Variants in FBLN1 observed in about 807,000 individuals in gnomAD.
FBLN1 encodes fibulin 1, also known as fibulin-1.
In FBLN1, 34 loss-of-function variants were observed where a neutral mutation model predicts 89.7. The ratio of observed to expected loss-of-function variants is 0.38; its 90% CI spans 0.29 to 0.50. FBLN1 has a LOEUF of 0.50. FBLN1 is among the 20% of genes least tolerant of loss of function. The pLI is 0.92. For synonymous variants in FBLN1, 393 were observed against 391.3 expected (o/e 1.00, Z -0.05); for missense variants, 777 against 988.1 (o/e 0.79, Z 2.86).
intron 14 of FBLN1, among the ~76,000 whole-genome samples, chr22:45,569,044 C>T (rs2088928472): frequency 6.6e-6 from 1 of 152,202 alleles, no homozygotes. Flanking sequence ...CACCCTACTC[C>T]AGTGTGACCT....
At chr22:45,540,056 G>T (rs1325285858) in intron 8 of FBLN1, among the ~76,000 whole-genome samples, 3 of 152,230 alleles carry the variant, frequency 2.0e-5, no homozygotes, top group Non-Finnish European at 4.4e-5. Context: ...ATGCATAACA[G>T]AGTGGGCCTG....
At position 45,541,271 on chromosome 22, in the gene FBLN1, G is replaced by A; in HGVS notation, c.965G>A (p.Gly322Glu). The A allele has an allele frequency of 2.5e-6, 4 of 1,614,214 alleles. No homozygotes were observed. The highest frequency in any genetic ancestry group is 3.4e-6 in the Non-Finnish European group (4 of 1,180,018). ...CLSISAPCPI[G>E]HTCINTEGSY... Reference sequence around the variant, plus strand: ...AGTATCAGTGCCCCGTGCCCTATCGGGCATACATGCATCAACACAGAGGGC... The same window carrying A: ...AGTATCAGTGCCCCGTGCCCTATCGAGCATACATGCATCAACACAGAGGGC... The change falls in exon 9 of 17, where the codon GGG becomes GAG. Residue 322 changes from glycine to glutamate, a missense_variant. Coordinates refer to ENST00000327858, the MANE Select transcript of FBLN1 (RefSeq NM_006486.3).
In FBLN1 at chr22:45,536,899, G is replaced by A. The variant is rs866334857; in HGVS notation, c.922+1562G>A. Among the ~76,000 whole-genome samples, 1 of 152,230 alleles carries A rather than the reference G, an allele frequency of 6.6e-6. No individual in the cohort carries two copies. The highest frequency in any genetic ancestry group is 6.5e-5 in the Admixed American group (1 of 15,292). ...ACGCTAGAGGAGCTGTGTGGGGTGCGGCCGGGGAGCTGGCCGGCCTGGGTT... is the reference window on the plus strand; with the variant it reads ...ACGCTAGAGGAGCTGTGTGGGGTGCAGCCGGGGAGCTGGCCGGCCTGGGTT... On this transcript the variant is annotated intron_variant, in intron 8 of 16. Coordinates refer to ENST00000327858, the MANE Select transcript of FBLN1 (RefSeq NM_006486.3). The surrounding 1 kb of genome is among the most constrained non-coding windows in gnomAD (Gnocchi z 5.1).
At chr22:45,523,468 T>C (rs559809399) in intron 2 of FBLN1, among the ~76,000 whole-genome samples, 84 of 152,326 alleles carry the variant, frequency 5.5e-4, no homozygotes, top group Admixed American at 3.9e-3. Flanking sequence ...TTCGGGAGGC[T>C]GAGGCGGGCA....
chr22:45,528,124 G>GT, intron 4 of FBLN1, 115 bp downstream of exon 4: 1 of 1,271,322 alleles, frequency 7.9e-7, no homozygotes, highest in Non-Finnish European at 1.1e-6. Flanking sequence ...GTGATCGTGG[G>GT]GCTGGCAAGT....
At position 45,590,615 on chromosome 22, in the gene FBLN1, G is replaced by C. The variant is rs559606432; in HGVS notation, c.1973-9692G>C. 1.3e-5 allele frequency among the ~76,000 whole-genome samples: 2 copies of C among 152,214 alleles called. No individual in the cohort carries two copies. Among genetic ancestry groups the C allele is most frequent in the South Asian group, 2.1e-4 (1 of 4,836 alleles). On this transcript the variant is annotated intron_variant, in intron 16 of 16. Transcript: ENST00000327858. This position sits in a 1 kb window ranked among gnomAD's most constrained non-coding sequence, Gnocchi z 4.1. ...AGGGGTGAAAAGGAAGGTGGTACAC[G>C]TGTTCAGGTAGATGCGACGAGGCCG...
chr22:45,534,582 TC>T (rs2088459210), intron 7 of FBLN1, among the ~76,000 whole-genome samples: 2 of 152,160 alleles, frequency 1.3e-5, no homozygotes, highest in African/African-American at 4.8e-5. Context: ...ACTCACTGTA[TC>T]ATGAGAGTGA....
chr22:45,583,349 C>T lies in FBLN1; in HGVS notation c.1972+6241C>T, dbSNP rs539298916. Among the ~76,000 whole-genome samples, 1 of 152,026 alleles carries T rather than the reference C, an allele frequency of 6.6e-6. No individual in the cohort carries two copies. The highest frequency in any genetic ancestry group is 2.4e-5 in the African/African-American group (1 of 41,510). On this transcript the variant is annotated intron_variant, in intron 16 of 16. Coordinates refer to ENST00000327858, the MANE Select transcript of FBLN1 (RefSeq NM_006486.3). This position sits in a 1 kb window ranked among gnomAD's most constrained non-coding sequence, Gnocchi z 4.5. ...CAAGCAGCATGGCAGCGATGAAGTCCACATGATCGAAGGGTGGATGCTTAC... is the reference window on the plus strand; with the variant it reads ...CAAGCAGCATGGCAGCGATGAAGTCTACATGATCGAAGGGTGGATGCTTAC...
At position 45,576,137 on chromosome 22, in the gene FBLN1, A is replaced by T. The variant is rs4416; in HGVS notation, c.1841-840A>T. Among the ~76,000 whole-genome samples the T allele has an allele frequency of 6.6e-6, 1 of 152,076 alleles. No individual in the cohort carries two copies. Among genetic ancestry groups the T allele is most frequent in the African/African-American group, 2.4e-5 (1 of 41,386 alleles). Reference sequence around the variant, plus strand: ...GGTTTGCTCCTCCCGAAAAGGAATAACGCTGAATCGTCACAGGGTGGCACA... The same window carrying T: ...GGTTTGCTCCTCCCGAAAAGGAATATCGCTGAATCGTCACAGGGTGGCACA... On this transcript the variant is annotated intron_variant, in intron 15 of 16. Transcript: ENST00000327858. This position sits in a 1 kb window ranked among gnomAD's most constrained non-coding sequence, Gnocchi z 5.2.
At position 45,530,714 on chromosome 22, in the gene FBLN1, G is replaced by A. The variant is rs2088393671; in HGVS notation, c.485-551G>A. 1.3e-5 allele frequency among the ~76,000 whole-genome samples: 2 copies of A among 152,128 alleles called. No homozygotes were observed. The highest frequency in any genetic ancestry group is 1.3e-4 in the Admixed American group (2 of 15,270). Reference sequence around the variant, plus strand: ...ATTTGGACTATGGGAATATCACCCAGCATGAAGTCAATGATTACAGGCCTT... The same window carrying A: ...ATTTGGACTATGGGAATATCACCCAACATGAAGTCAATGATTACAGGCCTT... On this transcript the variant is annotated intron_variant, in intron 4 of 16. Coordinates refer to ENST00000327858, the MANE Select transcript of FBLN1 (RefSeq NM_006486.3). The surrounding 1 kb of genome is among the most constrained non-coding windows in gnomAD (Gnocchi z 5.4).
intron 16 of FBLN1, among the ~76,000 whole-genome samples, chr22:45,596,313 A>AG (rs2089185687): frequency 6.6e-6 from 1 of 152,206 alleles, no homozygotes; most frequent in Admixed American, 6.5e-5. Flanking sequence ...CGTCTGTGGC[A>AG]GGTCCCTGTC....
Position 45,600,834 on chromosome 22 carries a change from T to C in FBLN1, c.*388T>C. On this transcript the variant is annotated 3_prime_UTR_variant, in exon 17 of 17. Transcript: ENST00000327858. Reference sequence around the variant, plus strand: ...GTATGAAATTTGACATTTTGGCACTTTTTTTTTTTTTTTGGCCAATCAGAT... The same window carrying C: ...GTATGAAATTTGACATTTTGGCACTCTTTTTTTTTTTTTGGCCAATCAGAT... 4.3e-5 allele frequency: 8 copies of C among 187,670 alleles called. No individual in the cohort carries two copies. The highest frequency in any genetic ancestry group is 1.5e-4 in the African/African-American group (6 of 38,926). The allele number at this position is 187,670 out of a possible 1,614,324, so 11.6% of individuals were successfully genotyped here.
rs575186588 is a variant in FBLN1, at chr22:45,575,919, C to T, written c.1841-1058C>T. Among the ~76,000 whole-genome samples, 11 of 152,298 alleles carry T rather than the reference C, an allele frequency of 7.2e-5. No homozygotes were observed. The highest frequency in any genetic ancestry group is 2.4e-4 in the African/African-American group (10 of 41,558). Reference sequence around the variant, plus strand: ...TCATTCAGCAGCCGTGGACGGAGCCCCTCTGTGTCAGGCTCTAGGGACATG... The same window carrying T: ...TCATTCAGCAGCCGTGGACGGAGCCTCTCTGTGTCAGGCTCTAGGGACATG... On this transcript the variant is annotated intron_variant, in intron 15 of 16. Transcript: ENST00000327858. This position sits in a 1 kb window ranked among gnomAD's most constrained non-coding sequence, Gnocchi z 6.3.
Position 45,600,607 on chromosome 22 carries a change from T to G in FBLN1, c.*161T>G. 2 of 837,548 alleles carry G rather than the reference T, an allele frequency of 2.4e-6. No individual in the cohort carries two copies. Among genetic ancestry groups the G allele is most frequent in the Non-Finnish European group, 4.0e-6 (2 of 495,914 alleles). 51.9% of individuals were successfully genotyped at this position (837,548 alleles called of 1,614,324 possible). Reference sequence around the variant, plus strand: ...GCTGAGCCAGATGAATAAGTCCATCTGATGTATTTTCGGTGTTTAAAAAAT... The same window carrying G: ...GCTGAGCCAGATGAATAAGTCCATCGGATGTATTTTCGGTGTTTAAAAAAT... On this transcript the variant is annotated 3_prime_UTR_variant, in exon 17 of 17. Transcript: ENST00000327858.
At position 45,537,817 on chromosome 22, in the gene FBLN1, G is replaced by C. The variant is rs6006773; in HGVS notation, c.922+2480G>C. The stretch of plus-strand genomic sequence containing the variant: ...TTGCCAGCAGGGAGGGGTGGTTTTC[G>C]CTCAGCGCAGGGGGTGGTGAGCAGG... On this transcript the variant is annotated intron_variant, in intron 8 of 16. Coordinates refer to ENST00000327858, the MANE Select transcript of FBLN1 (RefSeq NM_006486.3). This position sits in a 1 kb window ranked among gnomAD's most constrained non-coding sequence, Gnocchi z 5.7. Among the ~76,000 whole-genome samples the C allele has an allele frequency of 2.0e-5, 3 of 152,086 alleles. No individual in the cohort carries two copies. The highest frequency in any genetic ancestry group is 1.3e-4 in the Admixed American group (2 of 15,278).
At position 45,576,979 on chromosome 22, in the gene FBLN1, A is replaced by C; in HGVS notation, c.1843A>C (p.Ile615Leu). 1 of 1,613,850 alleles carries C rather than the reference A, an allele frequency of 6.2e-7. No individual in the cohort carries two copies. The highest frequency in any genetic ancestry group is 8.5e-7 in the Non-Finnish European group (1 of 1,180,008). Reference sequence around the variant, plus strand: ...TTCTCCATTCTGTGCCTCTGCAGAGATCATCTTCCTCCGGGCCATCACGCC... The same window carrying C: ...TTCTCCATTCTGTGCCTCTGCAGAGCTCATCTTCCTCCGGGCCATCACGCC... ...TFREFTRPEE[I>L]IFLRAITPPH... The change falls in exon 16 of 17, where the codon ATC becomes CTC. Residue 615 changes from isoleucine (I) to leucine (L), a missense_variant and splice_region_variant. By Grantham distance (5) the Ile-to-Leu change is conservative. Coordinates refer to ENST00000327858, the MANE Select transcript of FBLN1 (RefSeq NM_006486.3). This position sits in a 1 kb window ranked among gnomAD's most constrained non-coding sequence, Gnocchi z 5.2.
In FBLN1 at chr22:45,577,722, C is replaced by G. The variant is rs550517364; in HGVS notation, c.1972+614C>G. Among the ~76,000 whole-genome samples, 1 of 152,082 alleles carries G rather than the reference C, an allele frequency of 6.6e-6. No homozygotes were observed. Among genetic ancestry groups the G allele is most frequent in the African/African-American group, 2.4e-5 (1 of 41,414 alleles). ...CCCTGGAGATCCGGTGTTTGGGGAGCGTGAAGGGAGGCTGGGGCATGAGGG... is the reference window on the plus strand; with the variant it reads ...CCCTGGAGATCCGGTGTTTGGGGAGGGTGAAGGGAGGCTGGGGCATGAGGG... On this transcript the variant is annotated intron_variant, in intron 16 of 16. Transcript: ENST00000327858. This position sits in a 1 kb window ranked among gnomAD's most constrained non-coding sequence, Gnocchi z 6.6.
intron 14 of FBLN1, among the ~76,000 whole-genome samples, chr22:45,551,776 C>T (rs185815926): frequency 6.6e-6 from 1 of 152,230 alleles, no homozygotes; most frequent in African/African-American, 2.4e-5. Context: ...TAAGAAAGTT[C>T]GATGGCCTTG....
chr22:45,582,302 G>A (rs1455887619), intron 16 of FBLN1, among the ~76,000 whole-genome samples: 1 of 152,212 alleles, frequency 6.6e-6, no homozygotes, highest in African/African-American at 2.4e-5. Context: ...AAATAGTGAA[G>A]CACCTCCTTT....
Sources: allele counts gnomAD v4.1 joint callset (sites outside exome capture counted in the v4.1 genomes callset), GRCh38; gene constraint gnomAD v4.1.1; non-coding constraint Gnocchi (gnomAD v3.1); transcripts MANE v1.5; gene names NCBI Gene and HGNC (gene_info 2026-07-23, HGNC 2026-07-21).